Variants in CACNA1C observed in about 807,000 individuals in gnomAD.
CACNA1C encodes calcium voltage-gated channel subunit alpha1 C.
In CACNA1C, 30 loss-of-function variants were observed where a neutral mutation model predicts 229.0. The observed-to-expected ratio is 0.13, with a 90% confidence interval of 0.10 to 0.18. The LOEUF is 0.18. Among genes scored for constraint, CACNA1C ranks in the 10% least tolerant of loss-of-function variants. CACNA1C has a pLI of 1.00. For synonymous variants in CACNA1C, 1,114 were observed against 1,132.5 expected (o/e 0.98, Z 0.33); for missense variants, 1,658 against 2,845.0 (o/e 0.58, Z 9.49).
At chr12:2,610,138 G>C (rs951197126) in intron 27 of CACNA1C, among the ~76,000 whole-genome samples, 12 of 152,074 alleles carry the variant, frequency 7.9e-5, no homozygotes, top group African/African-American at 2.7e-4. Context: ...GAGGAGAGAA[G>C]TACCCAAGGA....
At position 2,634,012 on chromosome 12, in the gene CACNA1C, G is replaced by A. The variant is rs377366025; in HGVS notation, c.3829-285G>A. Among the ~76,000 whole-genome samples the A allele has an allele frequency of 1.4e-4, 21 of 152,290 alleles. No homozygotes were observed. The East Asian group carries it at 3.3e-3, about 24-fold the overall frequency. On this transcript the variant is annotated intron_variant, in intron 29 of 46. Transcript: ENST00000399655. Reference sequence around the variant, plus strand: ...GGGACACACCGCCCGGCTCCCCGGGGCGGCCACAGCCCCACGCCACCTTTG... The same window carrying A: ...GGGACACACCGCCCGGCTCCCCGGGACGGCCACAGCCCCACGCCACCTTTG...
At chr12:2,540,228 A>G (rs2154590008) in intron 9 of CACNA1C, among the ~76,000 whole-genome samples, 1 of 152,276 alleles carries the variant, frequency 6.6e-6, no homozygotes, top group East Asian at 1.9e-4. Context: ...GGGTCTGAGG[A>G]CAGACTCTCA....
At chr12:2,462,007 C>A (rs2099509022) in intron 5 of CACNA1C, among the ~76,000 whole-genome samples, 1 of 152,142 alleles carries the variant, frequency 6.6e-6, no homozygotes, top group Non-Finnish European at 1.5e-5. Context: ...CTGACTTGCC[C>A]AGAGTGAGCG....
At chr12:2,302,081 G>A (rs984951094) in intron 3 of CACNA1C, among the ~76,000 whole-genome samples, 5 of 152,148 alleles carry the variant, frequency 3.3e-5, no homozygotes, top group Admixed American at 3.3e-4. Context: ...TTGGGTTTTT[G>A]AAAAAGATAC....
chr12:2,391,243 C>T (rs1434812533), intron 3 of CACNA1C, among the ~76,000 whole-genome samples: 1 of 152,152 alleles, frequency 6.6e-6, no homozygotes, highest in Non-Finnish European at 1.5e-5. Flanking sequence ...GTGGTGCATC[C>T]ACACGGACAC....
At chr12:2,545,212 AT>A (rs56971243) in intron 9 of CACNA1C, among the ~76,000 whole-genome samples, 19,580 of 131,302 alleles carry the variant, frequency 0.15, 1,098 homozygotes, top group African/African-American at 0.2. Context: ...CAAAACAATG[AT>A]TTTTTTTTTT....
intron 3 of CACNA1C, among the ~76,000 whole-genome samples, chr12:2,248,042 A>G (rs2074094224): frequency 6.6e-6 from 1 of 152,198 alleles, no homozygotes; most frequent in Admixed American, 6.5e-5. Context: ...AACTTTTTTT[A>G]ACTTAAAATT....
At chr12:2,057,993 G>A (rs2154513854) in intron 1 of CACNA1C, among the ~76,000 whole-genome samples, 1 of 152,344 alleles carries the variant, frequency 6.6e-6, no homozygotes, top group South Asian at 2.1e-4. Context: ...TTCCGTTTAT[G>A]AGTCTGCCTG....
At chr12:2,398,447 T>A (rs1292147592) in intron 3 of CACNA1C, among the ~76,000 whole-genome samples, 1 of 152,234 alleles carries the variant, frequency 6.6e-6, no homozygotes, top group Non-Finnish European at 1.5e-5. Context: ...GCAGCATGGC[T>A]GGGTGGTGCT....
chr12:2,412,074 C>A (rs1214512843), intron 3 of CACNA1C, among the ~76,000 whole-genome samples: 1 of 152,144 alleles, frequency 6.6e-6, no homozygotes, highest in Non-Finnish European at 1.5e-5. Context: ...AAGCCCCCCC[C>A]ATGCCCACCT....
Position 2,665,841 on chromosome 12 carries a change from G to A in CACNA1C, c.4526+133G>A. On this transcript the variant is annotated intron_variant, in intron 36 of 46. Coordinates refer to ENST00000399655, the MANE Select transcript of CACNA1C (RefSeq NM_000719.7). This position sits in a 1 kb window ranked among gnomAD's most constrained non-coding sequence, Gnocchi z 5.9. The stretch of plus-strand genomic sequence containing the variant: ...AACACTGGATTGTATCACACCCTAG[G>A]GTGAAAGGTCAAGGGCCAGCAGGAG... The A allele has an allele frequency of 2.2e-6, 2 of 893,628 alleles. No homozygotes were observed. Among genetic ancestry groups the A allele is most frequent in the Admixed American group, 3.2e-5 (1 of 31,306 alleles). The allele number at this position is 893,628 out of a possible 1,614,324, so 55.4% of individuals were successfully genotyped here. A position where few individuals can be genotyped will look rare whatever the true frequency, so the allele number is the denominator to read the frequency against.
chr12:2,228,576 G>A (rs1229820091), intron 3 of CACNA1C, among the ~76,000 whole-genome samples: 3 of 152,220 alleles, frequency 2.0e-5, no homozygotes, highest in East Asian at 3.8e-4. Flanking sequence ...AGAGGTAGGG[G>A]TAGCTTATAG....
intron 1 of CACNA1C, among the ~76,000 whole-genome samples, chr12:1,986,667 ATTT>A (rs71057813): frequency 6.7e-6 from 1 of 149,786 alleles, no homozygotes; most frequent in Non-Finnish European, 1.5e-5. Flanking sequence ...AGGTTTTGTT[ATTT>A]TTTTTTTCCT....
chr12:2,444,215 T>C (rs1228340708), intron 3 of CACNA1C, among the ~76,000 whole-genome samples: 1 of 152,240 alleles, frequency 6.6e-6, no homozygotes, highest in Non-Finnish European at 1.5e-5. Context: ...AACAGACCTT[T>C]GGCTTGAAGG....
chr12:2,053,504 G>A lies in CACNA1C; in HGVS notation c.-59G>A. The A allele has an allele frequency of 6.5e-7, 1 of 1,544,792 alleles. No individual in the cohort carries two copies. Among genetic ancestry groups the A allele is most frequent in the South Asian group, 1.2e-5 (1 of 82,628 alleles). On this transcript the variant is annotated 5_prime_UTR_variant, in exon 1 of 47. It adds an upstream start codon to the 5' untranslated region. Coordinates refer to ENST00000399655, the MANE Select transcript of CACNA1C (RefSeq NM_000719.7). This position sits in a 1 kb window ranked among gnomAD's most constrained non-coding sequence, Gnocchi z 5.8. ...GGGATTAATCCAGACCCGCCGGGGGGTGTTTTCACATTTCTTCCTCTTCGT... is the reference window on the plus strand; with the variant it reads ...GGGATTAATCCAGACCCGCCGGGGGATGTTTTCACATTTCTTCCTCTTCGT...
chr12:2,348,453 G>A lies in CACNA1C; in HGVS notation c.478-100523G>A, dbSNP rs931514014. ...GGCATATGTAAGAACCCCCTTTCCC[G>A]TTGGCGTGTATGGTGTCTTCTCGCT... On this transcript the variant is annotated intron_variant, in intron 3 of 46. Coordinates refer to ENST00000399655, the MANE Select transcript of CACNA1C (RefSeq NM_000719.7). This position sits in a 1 kb window ranked among gnomAD's most constrained non-coding sequence, Gnocchi z 4.7. 6.6e-5 allele frequency among the ~76,000 whole-genome samples: 10 copies of A among 152,182 alleles called. No individual in the cohort carries two copies. The highest frequency in any genetic ancestry group is 1.9e-4 in the African/African-American group (8 of 41,448).
chr12:2,374,523 G>A (rs1055075281), intron 3 of CACNA1C, among the ~76,000 whole-genome samples: 7 of 152,160 alleles, frequency 4.6e-5, no homozygotes, highest in Admixed American at 3.9e-4. Context: ...TTGGCCTTCC[G>A]TGGGCCAGGC....
At chr12:2,166,168 A>T (rs2096216228) in intron 3 of CACNA1C, among the ~76,000 whole-genome samples, 1 of 152,190 alleles carries the variant, frequency 6.6e-6, no homozygotes, top group South Asian at 2.1e-4. Context: ...TAGACCCAGC[A>T]AACATTCTGT....
At chr12:2,454,480 G>C (rs1596749256) in intron 4 of CACNA1C, among the ~76,000 whole-genome samples, 1 of 152,068 alleles carries the variant, frequency 6.6e-6, no homozygotes, top group Admixed American at 6.5e-5. Flanking sequence ...CCTCCTTCCA[G>C]CCAGCTCAGA....
Sources: gnomAD v4.1 joint callset for allele counts (sites outside exome capture counted in the v4.1 genomes callset) on GRCh38, gnomAD v4.1.1 for gene constraint, Gnocchi (gnomAD v3.1) non-coding constraint, MANE v1.5 for transcripts, NCBI Gene and HGNC (gene_info 2026-07-23, HGNC 2026-07-21) for gene names.